The following TBXAS1 variants were observed in gnomAD, a reference collection of about 807,000 sequenced individuals.
The protein encoded by TBXAS1 is thromboxane A synthase 1.
In TBXAS1, 48 loss-of-function variants were observed where a neutral mutation model predicts 60.7. The ratio of observed to expected loss-of-function variants is 0.79; its 90% CI spans 0.63 to 1.01. The LOEUF is 1.01. Among genes scored for constraint, TBXAS1 ranks in the 50% least tolerant of loss-of-function variants. TBXAS1 has a pLI of 0.00. For synonymous variants in TBXAS1, 287 were observed against 269.7 expected (o/e 1.06, Z -0.63); for missense variants, 685 against 686.3 (o/e 1.00, Z 0.02).
At chr7:139,866,275 A>G (rs921897295) in intron 1 of TBXAS1, among the ~76,000 whole-genome samples, 5 of 152,240 alleles carry the variant, frequency 3.3e-5, no homozygotes, top group African/African-American at 1.2e-4. Context: ...GTAGCAGCAT[A>G]ACTCAAAGTA....
chr7:139,903,310 A>C (rs1005659654), intron 3 of TBXAS1, among the ~76,000 whole-genome samples: 2 of 152,040 alleles, frequency 1.3e-5, no homozygotes, highest in East Asian at 3.9e-4. Flanking sequence ...ATTCCACCAT[A>C]CATATATACC....
At chr7:139,862,667 A>G (rs1801053095) in intron 1 of TBXAS1, among the ~76,000 whole-genome samples, 1 of 152,256 alleles carries the variant, frequency 6.6e-6, no homozygotes, top group Admixed American at 6.5e-5. Context: ...ATGATCCAGT[A>G]GAAATGGAGA....
At chr7:139,782,863 C>G (rs912745756) in intron 3 of TBXAS1, 1 of 152,194 alleles carries the variant, frequency 6.6e-6, no homozygotes, top group African/African-American at 2.4e-5. Flanking sequence ...CTTTTCCACA[C>G]ATTCTTTATT....
chr7:139,936,961 T>C (rs1020597106), intron 5 of TBXAS1, among the ~76,000 whole-genome samples: 5 of 152,088 alleles, frequency 3.3e-5, no homozygotes, highest in Non-Finnish European at 7.4e-5. Context: ...TCTAAGGCCC[T>C]GGACACTCTC....
Position 139,904,979 on chromosome 7 carries a change from TTCTCTTTC to T in TBXAS1, c.237-6220_237-6213del, listed in dbSNP as rs1185133331. Among the ~76,000 whole-genome samples the T allele has an allele frequency of 4.1e-3, 562 of 138,182 alleles. 13 individuals are homozygous for T. Among genetic ancestry groups the T allele is most frequent in the African/African-American group, 0.011 (375 of 35,244 alleles). The allele number at this position is 138,182 out of a possible 152,430, so 90.7% of individuals were successfully genotyped here. Reference sequence around the variant, plus strand: ...TCATTCCCTCCCTCCCTACCTTTCTTTCTCTTTCTCTCTTTCTCTCTTTCTCTCTTTCT... The same window carrying T: ...TCATTCCCTCCCTCCCTACCTTTCTTTCTCTTTCTCTCTTTCTCTCTTTCT... On this transcript the variant is annotated intron_variant, in intron 3 of 12. Transcript: ENST00000448866.
chr7:139,872,264 A>G lies in TBXAS1; in HGVS notation c.119A>G (p.Glu40Gly), dbSNP rs1274475513. ...TCCACATCAGCATTCTCAAGACTGGAGAAGTTAGGCCTCAGACATCCCAAG... is the reference window on the plus strand; with the variant it reads ...TCCACATCAGCATTCTCAAGACTGGGGAAGTTAGGCCTCAGACATCCCAAG... ...WYSTSAFSRL[E>G]KLGLRHPKPS... is the part of the protein sequence containing the mutation. The change falls in exon 2 of 13, where the codon GAG becomes GGG. Residue 40 changes from glutamate (E) to glycine (G), a missense_variant. Transcript: ENST00000448866. The G allele has an allele frequency of 1.2e-6, 2 of 1,614,002 alleles. No individual in the cohort carries two copies. Among genetic ancestry groups the G allele is most frequent in the Non-Finnish European group, 1.7e-6 (2 of 1,179,964 alleles).
At chr7:139,861,274 C>A (rs765748714) in intron 1 of TBXAS1, among the ~76,000 whole-genome samples, 1 of 152,014 alleles carries the variant, frequency 6.6e-6, no homozygotes, top group South Asian at 2.1e-4. Flanking sequence ...CGCTCTGTTG[C>A]CCAGGCTGGA....
At chr7:139,882,209 C>T (rs964478012) in intron 3 of TBXAS1, among the ~76,000 whole-genome samples, 10 of 152,160 alleles carry the variant, frequency 6.6e-5, no homozygotes, top group East Asian at 1.9e-4. Context: ...TCAAGAACAA[C>T]GGGAATTGAA....
intron 9 of TBXAS1, among the ~76,000 whole-genome samples, chr7:140,005,435 A>T (rs149873554): frequency 0.019 from 2,836 of 152,290 alleles, 36 homozygotes; most frequent in African/African-American, 0.037. Flanking sequence ...TCTCAAAAAA[A>T]AAATAAATAA....
At chr7:140,006,668 C>T (rs1814101159) in intron 9 of TBXAS1, among the ~76,000 whole-genome samples, 1 of 152,128 alleles carries the variant, frequency 6.6e-6, no homozygotes, top group Non-Finnish European at 1.5e-5. Context: ...TCATAATGTG[C>T]CATGACTACC....
chr7:139,944,405 G>A (rs1363398468), intron 5 of TBXAS1, among the ~76,000 whole-genome samples: 1 of 152,368 alleles, frequency 6.6e-6, no homozygotes, highest in Non-Finnish European at 1.5e-5. Context: ...GGCACGTACA[G>A]TTCACTGTTC....
intron 4 of TBXAS1, among the ~76,000 whole-genome samples, chr7:139,806,260 A>G (rs192692843): frequency 9.6e-5 from 14 of 145,410 alleles, no homozygotes; most frequent in African/African-American, 3.1e-4. Flanking sequence ...ATTTTATTTT[A>G]TTTTATTTTA....
chr7:139,813,415 G>T (rs1798070930), intron 4 of TBXAS1, among the ~76,000 whole-genome samples: 6 of 152,180 alleles, frequency 3.9e-5, no homozygotes, highest in Admixed American at 3.9e-4. Context: ...CACCCTTCTG[G>T]TCAAGGGGCT....
intron 4 of TBXAS1, among the ~76,000 whole-genome samples, chr7:139,794,033 G>A (rs949287405): frequency 6.6e-6 from 1 of 151,984 alleles, no homozygotes; most frequent in South Asian, 2.1e-4. Flanking sequence ...TGCTTGTATG[G>A]GTGTGTGTAT....
At chr7:139,976,956 G>T (rs757032685) in intron 9 of TBXAS1, among the ~76,000 whole-genome samples, 13 of 152,138 alleles carry the variant, frequency 8.5e-5, no homozygotes, top group Non-Finnish European at 1.9e-4. Flanking sequence ...GCTGTGGTCA[G>T]ATCCAGCCCA....
chr7:140,009,526 C>G (rs1418292816), intron 10 of TBXAS1, among the ~76,000 whole-genome samples: 3 of 151,920 alleles, frequency 2.0e-5, no homozygotes, highest in Non-Finnish European at 4.4e-5. Context: ...CAGCTTCCAT[C>G]CAGCCTCGCT....
intron 9 of TBXAS1, among the ~76,000 whole-genome samples, chr7:139,972,325 G>C (rs1215037102): frequency 1.3e-5 from 2 of 152,198 alleles, no homozygotes; most frequent in Non-Finnish European, 2.9e-5. Flanking sequence ...AAATAAGCTT[G>C]TGGGGTTGGT....
intron 8 of TBXAS1, among the ~76,000 whole-genome samples, chr7:139,959,675 T>C (rs1306008965): frequency 1.3e-5 from 2 of 152,164 alleles, no homozygotes; most frequent in South Asian, 2.1e-4. Flanking sequence ...GGCTGCAGTT[T>C]TGCCCATGGA....
At position 140,017,933 on chromosome 7, in the gene TBXAS1, T is replaced by A. The variant is rs1815228229; in HGVS notation, c.1527+100T>A. The A allele has an allele frequency of 1.9e-6, 3 of 1,544,888 alleles. No individual in the cohort carries two copies. The Admixed American group carries it at 5.2e-5, about 27-fold the overall frequency. On this transcript the variant is annotated intron_variant, in intron 12 of 12. Coordinates refer to ENST00000448866, the MANE Select transcript of TBXAS1 (RefSeq NM_001061.7). ...GGCCAGCCTGGGGGCAACATCAGGC[T>A]CTGCCTCCGTGAGCTTGGGCAAGCT...
Sources: allele counts gnomAD v4.1 joint callset (sites outside exome capture counted in the v4.1 genomes callset), GRCh38; gene constraint gnomAD v4.1.1; transcripts MANE v1.5; gene names NCBI Gene and HGNC (gene_info 2026-07-23, HGNC 2026-07-21).